Variants in SLC25A21 observed in about 807,000 individuals in gnomAD.
SLC25A21 encodes the protein solute carrier family 25 member 21.
In SLC25A21, 47 loss-of-function variants were observed where a neutral mutation model predicts 43.8. The observed-to-expected ratio is 1.07, with a 90% CI of 0.85 to 1.37. The LOEUF (loss-of-function observed/expected upper bound fraction) is 1.37, where lower values mean the gene tolerates loss of function less well. Ranked by LOEUF, SLC25A21 falls within the 40% of genes most tolerant of loss-of-function variation. SLC25A21 has a pLI of 0.00. For missense variants in SLC25A21, 352 were observed against 350.2 expected (o/e 1.00, Z -0.04); for synonymous variants, 131 against 121.3 (o/e 1.08, Z -0.52).
intron 1 of SLC25A21, among the ~76,000 whole-genome samples, chr14:37,072,053 G>A (rs1962183600): frequency 6.6e-6 from 1 of 151,656 alleles, no homozygotes; most frequent in Admixed American, 6.6e-5. Flanking sequence ...ATGGTGGCAG[G>A]CACCTGTAAT....
At chr14:36,826,893 T>C (rs907533759) in intron 2 of SLC25A21, among the ~76,000 whole-genome samples, 1 of 152,322 alleles carries the variant, frequency 6.6e-6, no homozygotes, top group South Asian at 2.1e-4. Flanking sequence ...CTTGTGGCTA[T>C]GTGCGCCTGT....
At chr14:37,140,992 A>C (rs948308133) in intron 1 of SLC25A21, among the ~76,000 whole-genome samples, 2 of 152,160 alleles carry the variant, frequency 1.3e-5, no homozygotes, top group African/African-American at 4.8e-5. Flanking sequence ...CAAATAACAC[A>C]AAAATTAGCC....
chr14:36,843,712 T>C (rs1889456187), intron 2 of SLC25A21, among the ~76,000 whole-genome samples: 1 of 152,192 alleles, frequency 6.6e-6, no homozygotes, highest in African/African-American at 2.4e-5. Context: ...TGTCACTTCA[T>C]TCACGAAATT....
chr14:37,068,979 C>A (rs1962117848), intron 1 of SLC25A21, among the ~76,000 whole-genome samples: 1 of 151,970 alleles, frequency 6.6e-6, no homozygotes, highest in Admixed American at 6.6e-5. Context: ...TCGAGACCAT[C>A]CTGGCTAACA....
intron 1 of SLC25A21, among the ~76,000 whole-genome samples, chr14:37,068,383 G>T (rs1453703603): frequency 6.6e-6 from 1 of 152,234 alleles, no homozygotes; most frequent in Non-Finnish European, 1.5e-5. Context: ...TCAGAGGAAA[G>T]AGTGTCTTAA....
chr14:36,984,430 T>C (rs1296467039), intron 1 of SLC25A21, among the ~76,000 whole-genome samples: 1 of 152,206 alleles, frequency 6.6e-6, no homozygotes. Context: ...ACTCAATGTG[T>C]ACACAGTTTT....
chr14:36,682,529 ATTT>A (rs996065112), intron 9 of SLC25A21, among the ~76,000 whole-genome samples: 9 of 152,130 alleles, frequency 5.9e-5, no homozygotes, highest in African/African-American at 2.2e-4. Context: ...GTCAATTACC[ATTT>A]TAGCTAACCT....
intron 8 of SLC25A21, 55 bp from the exon 9 acceptor site, chr14:36,683,935 A>G: frequency 1.4e-6 from 2 of 1,382,350 alleles, no homozygotes; most frequent in Non-Finnish European, 2.0e-6. Context: ...ATGGAGTTGT[A>G]CCTTAGCTTT....
intron 3 of SLC25A21, among the ~76,000 whole-genome samples, chr14:36,759,082 T>C (rs1886043881): frequency 6.6e-6 from 1 of 152,172 alleles, no homozygotes; most frequent in South Asian, 2.1e-4. Context: ...GGGAGAGAAC[T>C]CAGGCTCAGC....
intron 1 of SLC25A21, among the ~76,000 whole-genome samples, chr14:37,014,931 G>A (rs1960813501): frequency 6.6e-6 from 1 of 152,034 alleles, no homozygotes; most frequent in African/African-American, 2.4e-5. Context: ...TTGGCAGTAG[G>A]TCTTCATTGT....
At chr14:37,141,104 C>G (rs1383511171) in intron 1 of SLC25A21, among the ~76,000 whole-genome samples, 1 of 151,908 alleles carries the variant, frequency 6.6e-6, no homozygotes, top group Non-Finnish European at 1.5e-5. Flanking sequence ...AAGATCACGC[C>G]ACCGCACTCC....
At chr14:36,781,389 T>C (rs1887055138) in intron 3 of SLC25A21, among the ~76,000 whole-genome samples, 1 of 152,194 alleles carries the variant, frequency 6.6e-6, no homozygotes, top group Non-Finnish European at 1.5e-5. Context: ...CTGACTATAC[T>C]TCCTTTGTTC....
At chr14:36,788,582 C>G (rs145533076) in intron 3 of SLC25A21, 1 of 147,624 alleles carries the variant, frequency 6.8e-6, no homozygotes, top group Non-Finnish European at 1.5e-5. Flanking sequence ...CATCCTAGAT[C>G]TGTGTGTGTT....
chr14:36,798,654 T>C (rs1006038900), intron 3 of SLC25A21, among the ~76,000 whole-genome samples: 1 of 152,076 alleles, frequency 6.6e-6, no homozygotes, highest in Non-Finnish European at 1.5e-5. Context: ...TAAGTATTCT[T>C]AGAAGGCTGG....
intron 1 of SLC25A21, among the ~76,000 whole-genome samples, chr14:37,006,295 C>T (rs1960602859): frequency 6.6e-6 from 1 of 152,010 alleles, no homozygotes; most frequent in Non-Finnish European, 1.5e-5. Context: ...CATTGGCACC[C>T]TTTTCTTAAC....
chr14:37,057,114 A>C (rs1235091110), intron 1 of SLC25A21, among the ~76,000 whole-genome samples: 2 of 152,094 alleles, frequency 1.3e-5, no homozygotes, highest in African/African-American at 4.8e-5. Flanking sequence ...ATGCATTATC[A>C]TTTTCTTCCC....
intron 9 of SLC25A21, among the ~76,000 whole-genome samples, chr14:36,683,309 A>G (rs1046389322): frequency 2.6e-5 from 4 of 152,204 alleles, no homozygotes; most frequent in Non-Finnish European, 5.9e-5. Flanking sequence ...TCATGCTGAC[A>G]AAGCCCAGGA....
At chr14:36,933,475 T>C (rs1468933516) in intron 1 of SLC25A21, among the ~76,000 whole-genome samples, 1 of 147,010 alleles carries the variant, frequency 6.8e-6, no homozygotes, top group Non-Finnish European at 1.5e-5. Context: ...AGGTCAACTG[T>C]GATGAAATTT....
At chr14:36,713,937 G>A (rs1335617803) in intron 6 of SLC25A21, among the ~76,000 whole-genome samples, 1 of 152,130 alleles carries the variant, frequency 6.6e-6, no homozygotes, top group Admixed American at 6.6e-5. Context: ...TGAGGCTGCA[G>A]TGAACTGTTA....
Sources: gnomAD v4.1 joint callset for allele counts (sites outside exome capture counted in the v4.1 genomes callset) on GRCh38, gnomAD v4.1.1 for gene constraint, MANE v1.5 for transcripts, NCBI Gene and HGNC (gene_info 2026-07-23, HGNC 2026-07-21) for gene names.